Variants in ADK observed in about 807,000 individuals in gnomAD.
ADK encodes adenosine kinase.
A neutral mutation model predicts 44.7 loss-of-function variants in ADK; 24 were observed. The observed-to-expected ratio is 0.54, with a 90% CI of 0.39 to 0.76. The LOEUF is 0.76. Among genes scored for constraint, ADK ranks in the 30% least tolerant of loss-of-function variants. ADK has a pLI of 0.00. For missense variants in ADK, 321 were observed against 425.1 expected, an observed-to-expected ratio of 0.76 and a Z score of 2.15; for synonymous variants, 128 against 142.6, an observed-to-expected ratio of 0.90 and a Z score of 0.73.
intron 3 of ADK, among the ~76,000 whole-genome samples, chr10:74,295,661 T>C (rs2132495978): frequency 6.6e-6 from 1 of 152,208 alleles, no homozygotes; most frequent in South Asian, 2.1e-4. Context: ...TTGTCTATGA[T>C]TGGTTTTACT....
chr10:74,414,847 CAGAA>C (rs1342266755), intron 6 of ADK, among the ~76,000 whole-genome samples: 1 of 152,182 alleles, frequency 6.6e-6, no homozygotes, highest in East Asian at 1.9e-4. Context: ...GATTTTTATA[CAGAA>C]AGACTTTCTC....
chr10:74,176,831 A>G (rs1179067500), intron 1 of ADK: 3 of 1,605,444 alleles, frequency 1.9e-6, no homozygotes, highest in Non-Finnish European at 2.5e-6. Context: ...GACGTAGAGC[A>G]TCGGACGCGG....
chr10:74,354,318 A>G (rs558135913), intron 4 of ADK, among the ~76,000 whole-genome samples: 1 of 149,180 alleles, frequency 6.7e-6, no homozygotes, highest in Admixed American at 6.8e-5. Context: ...GAAGTATTCC[A>G]GTAACTCTTT....
intron 1 of ADK, among the ~76,000 whole-genome samples, chr10:74,197,166 A>G (rs914681470): frequency 2.6e-5 from 4 of 152,182 alleles, no homozygotes; most frequent in African/African-American, 9.7e-5. Context: ...TGATTGGCTT[A>G]GGTTTGCCCC....
At chr10:74,174,594 C>G (rs945958924) in intron 1 of ADK, 1 of 152,208 alleles carries the variant, frequency 6.6e-6, no homozygotes, top group Non-Finnish European at 1.5e-5. Flanking sequence ...TGTGGATTAT[C>G]TATCAACATT....
At chr10:74,238,553 T>C (rs1446865360) in intron 3 of ADK, among the ~76,000 whole-genome samples, 3 of 152,174 alleles carry the variant, frequency 2.0e-5, no homozygotes, top group Non-Finnish European at 4.4e-5. Context: ...TTTAGAATTT[T>C]AAACACATTT....
intron 7 of ADK, among the ~76,000 whole-genome samples, chr10:74,559,202 C>G (rs1161418180): frequency 6.6e-6 from 1 of 152,252 alleles, no homozygotes; most frequent in Non-Finnish European, 1.5e-5. Context: ...CATCCACTGA[C>G]CTCCATTCCT....
intron 6 of ADK, among the ~76,000 whole-genome samples, chr10:74,521,172 G>A (rs868126437): frequency 5.3e-5 from 8 of 151,974 alleles, no homozygotes; most frequent in Non-Finnish European, 1.0e-4. Flanking sequence ...CAGTCTTTGC[G>A]ATCTAACAGA....
intron 9 of ADK, among the ~76,000 whole-genome samples, chr10:74,612,562 T>C (rs1261260390): frequency 6.6e-6 from 1 of 152,174 alleles, no homozygotes; most frequent in Non-Finnish European, 1.5e-5. Flanking sequence ...TTAGCAAATA[T>C]TTTCTCCTAA....
intron 3 of ADK, among the ~76,000 whole-genome samples, chr10:74,298,873 A>T (rs953696064): frequency 6.6e-6 from 1 of 152,178 alleles, no homozygotes; most frequent in African/African-American, 2.4e-5. Flanking sequence ...TGATCCCAGG[A>T]GTTTGAGTTC....
intron 3 of ADK, among the ~76,000 whole-genome samples, chr10:74,263,609 G>C (rs1309512330): frequency 6.6e-6 from 1 of 152,104 alleles, no homozygotes; most frequent in African/African-American, 2.4e-5. Context: ...GGGGTTCTCT[G>C]TATACCTGTC....
intron 4 of ADK, among the ~76,000 whole-genome samples, chr10:74,360,330 G>A (rs532174767): frequency 1.1e-4 from 17 of 152,262 alleles, no homozygotes; most frequent in African/African-American, 4.1e-4. Flanking sequence ...CCTGGAGAAT[G>A]TTCCATGTCC....
chr10:74,510,167 A>C lies in ADK; in HGVS notation c.556-15089A>C, dbSNP rs187398966. ...TTTTAGGAAACTCCAACTATTCTCCATAGTGGCTATTCCCACCAACAATGT... is the reference window on the plus strand; with the variant it reads ...TTTTAGGAAACTCCAACTATTCTCCCTAGTGGCTATTCCCACCAACAATGT... On this transcript the variant is annotated intron_variant, in intron 6 of 10. Coordinates refer to ENST00000539909, the MANE Select transcript of ADK (RefSeq NM_006721.4). 2.1e-3 allele frequency among the ~76,000 whole-genome samples: 327 copies of C among 152,228 alleles called. 2 individuals carry two copies. Among genetic ancestry groups the C allele is most frequent in the Non-Finnish European group, 2.8e-3 (192 of 67,978 alleles).
chr10:74,524,072 C>G (rs1848946472), intron 6 of ADK, among the ~76,000 whole-genome samples: 1 of 152,064 alleles, frequency 6.6e-6, no homozygotes, highest in Non-Finnish European at 1.5e-5. Flanking sequence ...TATTATTGCC[C>G]TTTGTGTATT....
intron 4 of ADK, among the ~76,000 whole-genome samples, chr10:74,320,817 G>A (rs1214347734): frequency 6.6e-6 from 1 of 152,134 alleles, no homozygotes; most frequent in African/African-American, 2.4e-5. Context: ...TTTGAGTAGT[G>A]TTTCACATGC....
chr10:74,248,595 T>G (rs1489797143), intron 3 of ADK, among the ~76,000 whole-genome samples: 1 of 152,096 alleles, frequency 6.6e-6, no homozygotes, highest in Non-Finnish European at 1.5e-5. Context: ...ACCTCATGAT[T>G]TGCCTGCCTT....
At chr10:74,563,347 T>A (rs919762142) in intron 7 of ADK, among the ~76,000 whole-genome samples, 5 of 152,226 alleles carry the variant, frequency 3.3e-5, no homozygotes, top group African/African-American at 9.6e-5. Flanking sequence ...CCCATCTTAC[T>A]CTCACTAATT....
At chr10:74,383,849 C>CATGG (rs1843056074) in intron 4 of ADK, among the ~76,000 whole-genome samples, 1 of 152,180 alleles carries the variant, frequency 6.6e-6, no homozygotes, top group Non-Finnish European at 1.5e-5. Flanking sequence ...CATCCTCTCA[C>CATGG]ATGGATGGTC....
At chr10:74,219,437 A>G (rs953519854) in intron 2 of ADK, among the ~76,000 whole-genome samples, 11 of 152,290 alleles carry the variant, frequency 7.2e-5, no homozygotes, top group Non-Finnish European at 1.3e-4. Context: ...TTAACACCCC[A>G]CTATCAACAT....
Sources: gnomAD v4.1 joint callset for allele counts (sites outside exome capture counted in the v4.1 genomes callset) on GRCh38, gnomAD v4.1.1 for gene constraint, MANE v1.5 for transcripts, NCBI Gene and HGNC (gene_info 2026-07-23, HGNC 2026-07-21) for gene names.